The following CHRDL2 variants were observed in gnomAD, a reference collection of about 807,000 sequenced individuals.
The protein encoded by CHRDL2 is chordin like 2, also known as chordin-like protein 2.
CHRDL2 carries 41 observed loss-of-function variants against 54.3 expected under a neutral mutation model. The ratio of observed to expected loss-of-function variants is 0.76; its 90% confidence interval spans 0.59 to 0.98. The LOEUF is 0.98. Ranked by LOEUF, CHRDL2 falls within the 50% of genes least tolerant of loss-of-function variation. The probability of loss-of-function intolerance (pLI) is 0.00; values close to 1 mark genes in which losing one functional copy is unlikely to be tolerated. For missense variants in CHRDL2, 518 were observed against 562.4 expected, an observed-to-expected ratio of 0.92 and a Z score of 0.80; for synonymous variants, 220 against 224.3, an observed-to-expected ratio of 0.98 and a Z score of 0.17.
intron 4 of CHRDL2, among the ~76,000 whole-genome samples, chr11:74,710,457 A>T (rs1448088770): frequency 2.0e-5 from 3 of 152,208 alleles, no homozygotes. Context: ...TGCTACAGAT[A>T]ATCTGGCCCT....
At chr11:74,702,408 C>G (rs774821818) in intron 9 of CHRDL2, among the ~76,000 whole-genome samples, 21 of 152,180 alleles carry the variant, frequency 1.4e-4, no homozygotes, top group Non-Finnish European at 2.2e-4. Flanking sequence ...AAAGGCTGAA[C>G]ACAGCCAGCC....
chr11:74,699,922 A>G (rs910561614), intron 9 of CHRDL2, among the ~76,000 whole-genome samples: 1 of 152,348 alleles, frequency 6.6e-6, no homozygotes. Flanking sequence ...TGCTAGTGAC[A>G]GGATGGCAGG....
Position 74,730,796 on chromosome 11 carries a change from G to A in CHRDL2, c.82+11C>T. On this transcript the variant is annotated intron_variant, in intron 1 of 10. Coordinates refer to ENST00000376332, the MANE Select transcript of CHRDL2 (RefSeq NM_001278473.3). The stretch of plus-strand genomic sequence containing the variant: ...CCCTCCTCTGCCCACCCAGCCTCCC[G>A]GTCTACTTACGGGCTCGAGCGTGGG... 6.2e-7 allele frequency: 1 copy of A among 1,605,526 alleles called. No homozygotes were observed. Among genetic ancestry groups the A allele is most frequent in the Admixed American group, 1.7e-5 (1 of 58,808 alleles).
At chr11:74,706,170 T>G (rs568977504) in intron 6 of CHRDL2, among the ~76,000 whole-genome samples, 1 of 152,152 alleles carries the variant, frequency 6.6e-6, no homozygotes, top group South Asian at 2.1e-4. Flanking sequence ...GTTGCCTGAA[T>G]TAAGGGGAGA....
intron 2 of CHRDL2, among the ~76,000 whole-genome samples, chr11:74,717,096 A>G (rs2034378237): frequency 6.6e-6 from 1 of 151,660 alleles, no homozygotes; most frequent in Non-Finnish European, 1.5e-5. Context: ...CCTGTCTCAA[A>G]CAAACAAACA....
chr11:74,716,919 C>A (rs2034372864), intron 2 of CHRDL2, among the ~76,000 whole-genome samples: 1 of 152,016 alleles, frequency 6.6e-6, no homozygotes, highest in Non-Finnish European at 1.5e-5. Flanking sequence ...CTGATGAAAT[C>A]CTGTCTCTAC....
At chr11:74,719,831 T>C (rs1744688046) in intron 1 of CHRDL2, among the ~76,000 whole-genome samples, 1 of 152,122 alleles carries the variant, frequency 6.6e-6, no homozygotes, top group Non-Finnish European at 1.5e-5. Flanking sequence ...AACCCACTGA[T>C]CCACTCCTGC....
intron 5 of CHRDL2, 48 bp from the exon 6 acceptor site, chr11:74,706,590 G>C: frequency 6.3e-7 from 1 of 1,591,292 alleles, no homozygotes; most frequent in Non-Finnish European, 8.6e-7. Context: ...CCCCAGCCTT[G>C]CTGGCTAGAG....
intron 10 of CHRDL2, 53 bp downstream of exon 10, chr11:74,697,152 C>G (rs1449663631): frequency 6.3e-6 from 9 of 1,439,508 alleles, no homozygotes; most frequent in Non-Finnish European, 8.8e-6. Flanking sequence ...GGCTCTGGCC[C>G]GTGTCCTTGC....
chr11:74,713,410 G>C lies in CHRDL2; in HGVS notation c.265C>G (p.Gln89Glu). The change falls in exon 3 of 11, where the codon CAG (glutamine) becomes GAG (glutamate). Residue 89 changes from glutamine (Q) to glutamate (E), a missense_variant. Physicochemically the swap from Gln to Glu is conservative, Grantham distance 29 (BLOSUM62 2). Coordinates refer to ENST00000376332, the MANE Select transcript of CHRDL2 (RefSeq NM_001278473.3). ...VHCPQPVTEP[Q>E]QCCPKCVEPH... ...CCCACACACTTGGGACAGCATTGCTGTGGCTCCGTCACAGGCTGGGGGCAG... is the reference window on the plus strand; with the variant it reads ...CCCACACACTTGGGACAGCATTGCTCTGGCTCCGTCACAGGCTGGGGGCAG... The C allele has an allele frequency of 3.1e-6, 5 of 1,614,178 alleles. No homozygotes were observed. Among genetic ancestry groups the C allele is most frequent in the Non-Finnish European group, 4.2e-6 (5 of 1,180,018 alleles).
Position 74,703,345 on chromosome 11 carries a change from G to T in CHRDL2, c.906C>A (p.His302Gln), listed in dbSNP as rs2033894148. The T allele has an allele frequency of 1.2e-6, 2 of 1,611,876 alleles. No homozygotes were observed. Among genetic ancestry groups the T allele is most frequent in the East Asian group, 2.2e-5 (1 of 44,864 alleles). ...VTCPTEYPCR[H>Q]PEKVAGKCCK... ...AGCACTTCCCAGCCACTTTCTCGGG[G>T]TGACGGCAGGGGTACTCGGTGGGAC... The change falls in exon 8 of 11, where the codon CAC becomes CAA. Residue 302 changes from histidine (H) to glutamine (Q), a missense_variant. Coordinates refer to ENST00000376332, the MANE Select transcript of CHRDL2 (RefSeq NM_001278473.3).
chr11:74,716,144 C>T (rs536219516), intron 2 of CHRDL2, among the ~76,000 whole-genome samples: 7 of 152,206 alleles, frequency 4.6e-5, no homozygotes, highest in African/African-American at 1.7e-4. Context: ...GAGGGAAGAA[C>T]ATTCCAAGTG....
At chr11:74,697,423 C>T (rs2033637753) in intron 9 of CHRDL2, 126 bp from the exon 10 acceptor site, 1 of 673,274 alleles carries the variant, frequency 1.5e-6, no homozygotes, top group Non-Finnish European at 2.7e-6. Flanking sequence ...TGATCAGACA[C>T]AAAATCCTGC....
chr11:74,701,801 C>T (rs192442374), intron 9 of CHRDL2, among the ~76,000 whole-genome samples: 2 of 152,260 alleles, frequency 1.3e-5, no homozygotes, highest in East Asian at 1.9e-4. Context: ...CTTCCACCCC[C>T]ACCCCGCCAG....
At chr11:74,710,068 T>C (rs11236224) in intron 4 of CHRDL2, among the ~76,000 whole-genome samples, 6,938 of 151,790 alleles carry the variant, frequency 0.046, 240 homozygotes, top group African/African-American at 0.1. Context: ...TACAAAAAAT[T>C]AGCTGGGCGT....
chr11:74,717,092 T>TCAAACAAA (rs35991071), intron 2 of CHRDL2, among the ~76,000 whole-genome samples: 7 of 149,238 alleles, frequency 4.7e-5, no homozygotes, highest in Admixed American at 4.7e-4. Context: ...AGACCCTGTC[T>TCAAACAAA]CAAACAAACA....
In CHRDL2 at chr11:74,697,561, T is replaced by TTTA. The variant is rs1266124223; in HGVS notation, c.1121-265_1121-264insTAA. Reference sequence around the variant, plus strand: ...AACCCCTTTCACTCCCCCTCTAATCTGCAATCCTAGCTCTGGTCATTAGAA... The same window carrying TTTA: ...AACCCCTTTCACTCCCCCTCTAATCTTTAGCAATCCTAGCTCTGGTCATTAGAA... On this transcript the variant is annotated intron_variant, in intron 9 of 10. Coordinates refer to ENST00000376332, the MANE Select transcript of CHRDL2 (RefSeq NM_001278473.3). The TTTA allele has an allele frequency of 1.1e-5, 6 of 545,624 alleles. No individual in the cohort carries two copies. In the East Asian group the frequency reaches 2.2e-4, roughly 20 times the overall value. The allele number at this position is 545,624 out of a possible 1,614,324, so 33.8% of individuals were successfully genotyped here.
At chr11:74,719,702 A>G (rs1419935002) in intron 1 of CHRDL2, among the ~76,000 whole-genome samples, 1 of 152,252 alleles carries the variant, frequency 6.6e-6, no homozygotes, top group Non-Finnish European at 1.5e-5. Flanking sequence ...GCAATCGCAC[A>G]TCAGTTGTCA....
chr11:74,718,988 G>A, intron 1 of CHRDL2, 156 bp from the exon 2 acceptor site: 1 of 597,638 alleles, frequency 1.7e-6, no homozygotes, highest in Non-Finnish European at 3.0e-6. Flanking sequence ...CCTAGGCAAG[G>A]GGCCAGAAGG....
Sources: allele counts gnomAD v4.1 joint callset (sites outside exome capture counted in the v4.1 genomes callset), GRCh38; gene constraint gnomAD v4.1.1; transcripts MANE v1.5; gene names NCBI Gene and HGNC (gene_info 2026-07-23, HGNC 2026-07-21).